KCNJ6: variants seen among roughly 807,000 people sequenced by gnomAD.
The protein encoded by KCNJ6 is G protein-activated inward rectifier potassium channel 2.
Under a neutral mutation model 34.2 loss-of-function variants are expected in KCNJ6, and 9 were observed. The ratio of observed to expected loss-of-function variants is 0.26; its 90% CI spans 0.16 to 0.46. The LOEUF is 0.46. Among genes scored for constraint, KCNJ6 ranks in the 20% least tolerant of loss-of-function variants. The pLI, the probability that KCNJ6 is intolerant of heterozygous loss-of-function variation, is 1.00. For synonymous variants in KCNJ6, 196 were observed against 207.1 expected, an observed-to-expected ratio of 0.95 and a Z score of 0.46; for missense variants, 236 against 531.3, an observed-to-expected ratio of 0.44 and a Z score of 5.46.
chr21:37,907,012 T>C (rs573319456), intron 1 of KCNJ6, among the ~76,000 whole-genome samples: 1 of 152,338 alleles, frequency 6.6e-6, no homozygotes, highest in South Asian at 2.1e-4. Flanking sequence ...GGAGGAATTA[T>C]ATGTTAGTAG....
intron 1 of KCNJ6, among the ~76,000 whole-genome samples, chr21:37,890,718 T>C (rs2055758054): frequency 6.6e-6 from 1 of 152,108 alleles, no homozygotes; most frequent in South Asian, 2.1e-4. Context: ...ACATGGCGGC[T>C]CTGTGTGTCA....
rs2054271825 is a variant in KCNJ6, at chr21:37,617,036, CTTTCTTTCTTTCTTTCTTTTCTTTTCT to C, written c.*8096_*8122del. On this transcript the variant is annotated 3_prime_UTR_variant, in exon 4 of 4. Coordinates refer to ENST00000609713, the MANE Select transcript of KCNJ6 (RefSeq NM_002240.5). ...TCTTTCTTTCTTTCTTTCTTTCTTTCTTTCTTTCTTTCTTTCTTTTCTTTTCTTTTCTTTTCTTTTCTTTCTTTTTCT... is the reference window on the plus strand; with the variant it reads ...TCTTTCTTTCTTTCTTTCTTTCTTTCTTTCTTTTCTTTTCTTTCTTTTTCT... The C allele has an allele frequency of 2.5e-4, 5 of 19,884 alleles. No homozygotes were observed. The highest frequency in any genetic ancestry group is 8.2e-4 in the Admixed American group (1 of 1,214). The allele number at this position is 19,884 out of a possible 1,614,324, so 1.2% of individuals were successfully genotyped here.
At chr21:37,771,384 T>G (rs137917020) in intron 2 of KCNJ6, among the ~76,000 whole-genome samples, 6 of 152,322 alleles carry the variant, frequency 3.9e-5, no homozygotes, top group Admixed American at 1.3e-4. Flanking sequence ...AAGCTTCAGC[T>G]TGTGCCCAAG....
At chr21:37,828,225 T>G (rs2123561749) in intron 2 of KCNJ6, among the ~76,000 whole-genome samples, 1 of 152,272 alleles carries the variant, frequency 6.6e-6, no homozygotes, top group South Asian at 2.1e-4. Flanking sequence ...AAAGGTGACA[T>G]GGAATCAGGA....
At chr21:37,749,290 G>A (rs776861872) in intron 2 of KCNJ6, among the ~76,000 whole-genome samples, 12 of 152,170 alleles carry the variant, frequency 7.9e-5, no homozygotes, top group Admixed American at 2.0e-4. Flanking sequence ...GTGTTTGCCC[G>A]TAGCACAGCC....
chr21:37,627,625 A>C (rs552710916), intron 3 of KCNJ6, among the ~76,000 whole-genome samples: 2 of 152,346 alleles, frequency 1.3e-5, no homozygotes, highest in Admixed American at 1.3e-4. Flanking sequence ...ATCAAAGAAC[A>C]AAAAGAAATT....
At chr21:37,647,666 C>A (rs2054411918) in intron 3 of KCNJ6, among the ~76,000 whole-genome samples, 1 of 152,136 alleles carries the variant, frequency 6.6e-6, no homozygotes, top group African/African-American at 2.4e-5. Flanking sequence ...TGAAATGATC[C>A]AAACTAGCCC....
Position 37,625,266 on chromosome 21 carries a change from G to A in KCNJ6, c.1165C>T (p.Leu389Phe). The A allele has an allele frequency of 1.3e-5, 21 of 1,614,222 alleles. No homozygotes were observed. Among genetic ancestry groups the A allele is most frequent in the Non-Finnish European group, 1.7e-5 (20 of 1,180,032 alleles). The change falls in exon 4 of 4, where the codon CTC becomes TTC. Residue 389 changes from leucine (L) to phenylalanine (F), a missense_variant. Leu to Phe is a conservative substitution (Grantham distance 22). Around this residue, in one of 5 missense-constraint regions of KCNJ6, gnomAD observed 43 missense variants for 52.1 expected, o/e 0.82. Transcript: ENST00000609713. ...GTCTCCAGTTCTGCATGTTGGTTGA[G>A]TTTGCTGGATACAGACCAACTCAGG... ...LPLSWSVSSK[L>F]NQHAELETEE...
intron 1 of KCNJ6, among the ~76,000 whole-genome samples, chr21:37,861,993 G>A (rs577109668): frequency 8.5e-5 from 13 of 152,146 alleles, no homozygotes; most frequent in African/African-American, 3.1e-4. Flanking sequence ...CTCAAGCCCC[G>A]CTGCAGAACA....
At chr21:37,712,573 CTTCTTCCTCCCTTT>C (rs1569450131) in intron 3 of KCNJ6, among the ~76,000 whole-genome samples, 10 of 94,586 alleles carry the variant, frequency 1.1e-4, no homozygotes, top group Non-Finnish European at 1.1e-4. Flanking sequence ...TTCTCCTCCT[CTTCTTCCTCCCTTT>C]CTCTTCCCTC....
At chr21:37,862,007 C>G (rs1243527208) in intron 1 of KCNJ6, among the ~76,000 whole-genome samples, 1 of 152,202 alleles carries the variant, frequency 6.6e-6, no homozygotes, top group Non-Finnish European at 1.5e-5. Context: ...CAGAACACAC[C>G]TCCACTCTAA....
At chr21:37,648,112 A>G (rs759386610) in intron 3 of KCNJ6, among the ~76,000 whole-genome samples, 3 of 152,150 alleles carry the variant, frequency 2.0e-5, no homozygotes, top group Non-Finnish European at 4.4e-5. Context: ...CAGACAGCCC[A>G]GGGAGGGGGA....
chr21:37,627,444 T>C (rs1420059580), intron 3 of KCNJ6, among the ~76,000 whole-genome samples: 2 of 152,010 alleles, frequency 1.3e-5, no homozygotes, highest in African/African-American at 2.4e-5. Context: ...TGCTTGAGGG[T>C]GGGGTGAAGA....
At chr21:37,842,275 G>C (rs1207791726) in intron 1 of KCNJ6, among the ~76,000 whole-genome samples, 1 of 152,138 alleles carries the variant, frequency 6.6e-6, no homozygotes, top group Non-Finnish European at 1.5e-5. Flanking sequence ...AGCCCAGGGT[G>C]GTATTTGCTT....
At chr21:37,886,034 C>T (rs565669235) in intron 1 of KCNJ6, among the ~76,000 whole-genome samples, 12 of 152,220 alleles carry the variant, frequency 7.9e-5, no homozygotes, top group South Asian at 2.1e-4. Context: ...TAAAATGACA[C>T]GATTTGCTTA....
chr21:37,781,320 TG>T (rs374944955), intron 2 of KCNJ6, among the ~76,000 whole-genome samples: 37 of 152,342 alleles, frequency 2.4e-4, no homozygotes, highest in African/African-American at 8.4e-4. Flanking sequence ...ATCCGAACTT[TG>T]GCAGAGGCTG....
intron 2 of KCNJ6, among the ~76,000 whole-genome samples, chr21:37,791,249 A>G (rs560957337): frequency 6.6e-6 from 1 of 152,380 alleles, no homozygotes; most frequent in Admixed American, 6.5e-5. Context: ...ATTTAATAAA[A>G]TAGATTTCCT....
rs567341668 is a variant in KCNJ6 at position 37,862,405 on chromosome 21, A to C, written c.-27-21696T>G. ...CACACAGGCATGCATGCATGTATAC[A>C]CATTGTGGCATTCAAGTCTGTGAGG... On this transcript the variant is annotated intron_variant, in intron 1 of 3. Coordinates refer to ENST00000609713, the MANE Select transcript of KCNJ6 (RefSeq NM_002240.5). 1.1e-4 allele frequency among the ~76,000 whole-genome samples: 17 copies of C among 152,358 alleles called. No homozygotes were observed. In the South Asian group the frequency reaches 2.9e-3, roughly 26 times the overall value.
chr21:37,733,599 CT>C (rs965183477), intron 2 of KCNJ6, among the ~76,000 whole-genome samples: 1 of 152,142 alleles, frequency 6.6e-6, no homozygotes, highest in South Asian at 2.1e-4. Flanking sequence ...AAAATATTCA[CT>C]TTTTTAGGGT....
Sources: gnomAD v4.1 joint callset for allele counts (sites outside exome capture counted in the v4.1 genomes callset) on GRCh38, gnomAD v4.1.1 for gene constraint, gnomAD v4.1.1 regional missense constraint, MANE v1.5 for transcripts, NCBI Gene and HGNC (gene_info 2026-07-23, HGNC 2026-07-21) for gene names.